The following RORB variants were observed in gnomAD, a reference collection of about 807,000 sequenced individuals.
RORB encodes the protein RAR related orphan receptor B.
In RORB, 6 loss-of-function variants were observed where a neutral mutation model predicts 59.1. That is an observed-to-expected ratio of 0.10 (90% CI 0.06 to 0.20). RORB has a LOEUF of 0.20. Among genes scored for constraint, RORB ranks in the 10% least tolerant of loss-of-function variants. RORB has a pLI of 1.00. For synonymous variants in RORB, 215 were observed against 204.5 expected, an observed-to-expected ratio of 1.05 and a Z score of -0.44; for missense variants, 320 against 560.5, an observed-to-expected ratio of 0.57 and a Z score of 4.33.
At chr9:74,573,076 G>T (rs996711468) in intron 1 of RORB, among the ~76,000 whole-genome samples, 6 of 152,124 alleles carry the variant, frequency 3.9e-5, no homozygotes, top group African/African-American at 1.4e-4. Flanking sequence ...ATAACTTGAG[G>T]TAAAAGTAAC....
intron 1 of RORB, among the ~76,000 whole-genome samples, chr9:74,629,406 C>A (rs2118411784): frequency 1.3e-5 from 2 of 151,948 alleles, no homozygotes; most frequent in Middle Eastern, 6.8e-3. Context: ...AACCCTCTAG[C>A]CAATCATCTG....
chr9:74,677,635 C>T (rs1218174382), intron 9 of RORB, among the ~76,000 whole-genome samples: 1 of 152,190 alleles, frequency 6.6e-6, no homozygotes, highest in Non-Finnish European at 1.5e-5. Context: ...CCCCTGCCTA[C>T]TCCACACACA....
At chr9:74,528,096 T>C (rs1327866503) in intron 1 of RORB, among the ~76,000 whole-genome samples, 2 of 152,016 alleles carry the variant, frequency 1.3e-5, no homozygotes, top group Admixed American at 1.3e-4. Context: ...TCACTTTCTT[T>C]TCCCTAAACC....
intron 1 of RORB, among the ~76,000 whole-genome samples, chr9:74,595,926 T>C (rs191400354): frequency 1.3e-5 from 2 of 152,278 alleles, no homozygotes; most frequent in African/African-American, 4.8e-5. Context: ...TCTTAGCTAG[T>C]AAATTTCTGC....
intron 8 of RORB, among the ~76,000 whole-genome samples, chr9:74,668,404 T>C (rs1369252942): frequency 6.6e-6 from 1 of 152,192 alleles, no homozygotes; most frequent in Non-Finnish European, 1.5e-5. Flanking sequence ...TGCTGGTGCC[T>C]ATTTTCTTAG....
intron 1 of RORB, among the ~76,000 whole-genome samples, chr9:74,626,489 A>G (rs1257757614): frequency 6.6e-6 from 1 of 152,242 alleles, no homozygotes; most frequent in African/African-American, 2.4e-5. Context: ...AAATTGAAAA[A>G]ATGAAAAATG....
chr9:74,516,538 T>A (rs1365306859), intron 1 of RORB, among the ~76,000 whole-genome samples: 1 of 152,022 alleles, frequency 6.6e-6, no homozygotes, highest in Non-Finnish European at 1.5e-5. Flanking sequence ...GGCCTAGCGT[T>A]TGAACTTTTG....
chr9:74,569,566 A>G (rs1295165394), intron 1 of RORB, among the ~76,000 whole-genome samples: 2 of 152,094 alleles, frequency 1.3e-5, no homozygotes, highest in Admixed American at 1.3e-4. Flanking sequence ...GATGTGTTGC[A>G]TTGAAATAGC....
At chr9:74,510,353 C>A (rs1349258305) in intron 1 of RORB, among the ~76,000 whole-genome samples, 1 of 152,114 alleles carries the variant, frequency 6.6e-6, no homozygotes, top group African/African-American at 2.4e-5. Flanking sequence ...TGTAAAATAT[C>A]TTCTTTGCTT....
chr9:74,676,632 A>T (rs1008199080), intron 9 of RORB, among the ~76,000 whole-genome samples: 4 of 152,246 alleles, frequency 2.6e-5, no homozygotes, highest in African/African-American at 9.6e-5. Flanking sequence ...CCATAGCTCT[A>T]TGCTGATAAA....
At chr9:74,571,916 C>A (rs779932220) in intron 1 of RORB, among the ~76,000 whole-genome samples, 20 of 152,218 alleles carry the variant, frequency 1.3e-4, no homozygotes, top group Admixed American at 9.8e-4. Context: ...CATTCCCAGT[C>A]GGTGCACATC....
rs369927207 is a variant in RORB at position 74,641,525 on chromosome 9, A to G, written c.236-889A>G. Among the ~76,000 whole-genome samples the G allele has an allele frequency of 4.6e-5, 7 of 152,312 alleles. No individual in the cohort carries two copies. The South Asian group carries it at 1.4e-3, about 32-fold the overall frequency. On this transcript the variant is annotated intron_variant, in intron 3 of 9. Coordinates refer to ENST00000376896, the MANE Select transcript of RORB (RefSeq NM_006914.4). The stretch of plus-strand genomic sequence containing the variant: ...TCTTATCATTTGATCCCAAAAGCCA[A>G]CTGAAGGCAAATGATGCCATCACTT...
intron 1 of RORB, among the ~76,000 whole-genome samples, chr9:74,596,394 G>T (rs1285387550): frequency 6.6e-6 from 1 of 152,150 alleles, no homozygotes; most frequent in Non-Finnish European, 1.5e-5. Flanking sequence ...ATAACTCAGG[G>T]ACCAGAGGAT....
At chr9:74,662,379 G>T (rs1357208851) in intron 5 of RORB, 95 bp from the exon 6 acceptor site, 1 of 1,202,744 alleles carries the variant, frequency 8.3e-7, no homozygotes, top group African/African-American at 1.5e-5. Context: ...TTGGCCCCAA[G>T]TGACAGATAA....
At chr9:74,625,859 A>T (rs548018872) in intron 1 of RORB, among the ~76,000 whole-genome samples, 1 of 152,324 alleles carries the variant, frequency 6.6e-6, no homozygotes, top group East Asian at 1.9e-4. Context: ...CCATAAGAAC[A>T]AACACAGTAA....
At chr9:74,678,677 A>G (rs914872492) in intron 9 of RORB, among the ~76,000 whole-genome samples, 2 of 152,156 alleles carry the variant, frequency 1.3e-5, no homozygotes, top group Non-Finnish European at 2.9e-5. Flanking sequence ...AGGAAACTAC[A>G]AAAGGTCATT....
At chr9:74,679,153 A>G in intron 9 of RORB, among the ~76,000 whole-genome samples, 1 of 152,214 alleles carries the variant, frequency 6.6e-6, no homozygotes, top group East Asian at 1.9e-4. Context: ...GTTCACTTTC[A>G]TCTTAAATAG....
chr9:74,580,558 T>C (rs1347974718), intron 1 of RORB, among the ~76,000 whole-genome samples: 1 of 152,174 alleles, frequency 6.6e-6, no homozygotes, highest in Non-Finnish European at 1.5e-5. Context: ...CTACCACTTC[T>C]CATTTGTCAC....
chr9:74,658,024 A>AAAAAAAG (rs1563966343), intron 4 of RORB, among the ~76,000 whole-genome samples: 7 of 129,524 alleles, frequency 5.4e-5, no homozygotes, highest in African/African-American at 1.9e-4. Context: ...AAAAAAAAAA[A>AAAAAAAG]AAAAGAAAAG....
Sources: allele counts gnomAD v4.1 joint callset (sites outside exome capture counted in the v4.1 genomes callset), GRCh38; gene constraint gnomAD v4.1.1; transcripts MANE v1.5; gene names NCBI Gene and HGNC (gene_info 2026-07-23, HGNC 2026-07-21).